Variants in SKIC3 observed in about 807,000 individuals in gnomAD.
SKIC3 encodes superkiller complex protein 3.
At chr5:95,532,824 G>A in the SKIC3 span, among the ~76,000 whole-genome samples, 3 of 152,220 alleles carry the variant, frequency 2.0e-5, no homozygotes, top group Middle Eastern at 3.4e-3. Context: ...GAAGAGGTCC[G>A]TGTTGGATGC....
the SKIC3 span, chr5:95,502,798 G>C: frequency 3.2e-6 from 5 of 1,581,898 alleles, no homozygotes; most frequent in Non-Finnish European, 4.3e-6. Flanking sequence ...CCTAAAACAT[G>C]AAGAACTTAC....
the SKIC3 span, chr5:95,509,527 C>T: frequency 0.15 from 185,673 of 1,225,520 alleles, 15,778 homozygotes; most frequent in East Asian, 0.33. Context: ...ACAGGCCAGT[C>T]AGAGATTCTC....
the SKIC3 span, chr5:95,527,876 A>G: frequency 1.1e-6 from 1 of 905,258 alleles, no homozygotes; most frequent in Non-Finnish European, 1.7e-6. Flanking sequence ...TGAATGACTT[A>G]TAAAAGTGCA....
At chr5:95,467,384 C>A in the SKIC3 span, among the ~76,000 whole-genome samples, 4 of 152,128 alleles carry the variant, frequency 2.6e-5, no homozygotes, top group Admixed American at 6.6e-5. Context: ...CTGATCACGA[C>A]CCCAAGGTTG....
At chr5:95,499,587 C>A in the SKIC3 span, among the ~76,000 whole-genome samples, 1 of 152,042 alleles carries the variant, frequency 6.6e-6, no homozygotes, top group African/African-American at 2.4e-5. Context: ...TGAGTTTCAG[C>A]TCCAGGTAAG....
the SKIC3 span, chr5:95,516,690 C>T: frequency 6.2e-7 from 1 of 1,613,386 alleles, no homozygotes; most frequent in Admixed American, 1.7e-5. Flanking sequence ...CATGCAACCA[C>T]ACCAAGAGCA....
chr5:95,543,769 A>C, the SKIC3 span, among the ~76,000 whole-genome samples: 7 of 152,194 alleles, frequency 4.6e-5, no homozygotes, highest in Non-Finnish European at 7.3e-5. Context: ...GATTTTTCTC[A>C]AGATTAAGAC....
At chr5:95,493,531 G>A in the SKIC3 span, among the ~76,000 whole-genome samples, 1 of 151,962 alleles carries the variant, frequency 6.6e-6, no homozygotes, top group Non-Finnish European at 1.5e-5. Flanking sequence ...ATATAACATA[G>A]ACAAATCAAA....
At chr5:95,470,135 A>G in the SKIC3 span, among the ~76,000 whole-genome samples, 36,588 of 151,208 alleles carry the variant, frequency 0.24, 5,814 homozygotes, top group African/African-American at 0.45. Context: ...CCGCCACCAC[A>G]CCCGGCTAAT....
chr5:95,470,415 G>C, the SKIC3 span, among the ~76,000 whole-genome samples: 1 of 152,144 alleles, frequency 6.6e-6, no homozygotes, highest in Non-Finnish European at 1.5e-5. Flanking sequence ...TGGGATAAAG[G>C]AGGTTTTCAA....
the SKIC3 span, among the ~76,000 whole-genome samples, chr5:95,486,786 A>G: frequency 1.4e-3 from 217 of 152,288 alleles, no homozygotes; most frequent in African/African-American, 5.2e-3. Flanking sequence ...TGGTGTGCTC[A>G]GTCCATTGCA....
chr5:95,486,887 G>T, the SKIC3 span, among the ~76,000 whole-genome samples: 1 of 152,122 alleles, frequency 6.6e-6, no homozygotes, highest in Non-Finnish European at 1.5e-5. Flanking sequence ...GCTGCCCAGG[G>T]ACTCAAGAAC....
chr5:95,528,383 C>T, the SKIC3 span, among the ~76,000 whole-genome samples: 1 of 152,064 alleles, frequency 6.6e-6, no homozygotes, highest in African/African-American at 2.4e-5. Context: ...CTTCACACAA[C>T]ATATAATAAA....
At chr5:95,533,229 T>C in the SKIC3 span, among the ~76,000 whole-genome samples, 11 of 152,292 alleles carry the variant, frequency 7.2e-5, no homozygotes, top group South Asian at 2.1e-4. Flanking sequence ...AACTGAGTCA[T>C]TTTGAAAATG....
the SKIC3 span, chr5:95,537,238 T>C: frequency 9.5e-7 from 1 of 1,056,426 alleles, no homozygotes. Context: ...TTCAATTAAC[T>C]GCAAATGTAT....
the SKIC3 span, among the ~76,000 whole-genome samples, chr5:95,542,546 G>A: frequency 6.6e-6 from 1 of 152,000 alleles, no homozygotes; most frequent in Non-Finnish European, 1.5e-5. Flanking sequence ...ATTAAAGAAC[G>A]ATCAGATATC....
chr5:95,532,998 C>T, the SKIC3 span, among the ~76,000 whole-genome samples: 2 of 152,110 alleles, frequency 1.3e-5, no homozygotes, highest in South Asian at 2.1e-4. Flanking sequence ...AATTTGGTGG[C>T]ATTCATATTT....
At chr5:95,529,233 C>T in the SKIC3 span, 6 of 790,840 alleles carry the variant, frequency 7.6e-6, no homozygotes, top group East Asian at 2.7e-5. Context: ...CAAAGTCACA[C>T]TGATTCTCTG....
At chr5:95,500,207 G>T in the SKIC3 span, among the ~76,000 whole-genome samples, 1 of 152,174 alleles carries the variant, frequency 6.6e-6, no homozygotes, top group East Asian at 1.9e-4. Flanking sequence ...TGTTGTACCA[G>T]GAATCACAAG....
Sources: allele counts gnomAD v4.1 joint callset (sites outside exome capture counted in the v4.1 genomes callset), GRCh38; gene constraint gnomAD v4.1.1; transcripts MANE v1.5; gene names NCBI Gene and HGNC (gene_info 2026-07-23, HGNC 2026-07-21).